RECQL4: variants seen among roughly 807,000 people sequenced by gnomAD.
RECQL4 encodes the protein ATP-dependent DNA helicase Q4.
Under a neutral mutation model 128.6 loss-of-function variants are expected in RECQL4, and 158 were observed. That is an observed-to-expected ratio of 1.23 (90% CI 1.08 to 1.40). The LOEUF (loss-of-function observed/expected upper bound fraction) is 1.40, where lower values mean the gene tolerates loss of function less well. RECQL4 is among the 40% of genes most tolerant of loss of function. The pLI, the probability that RECQL4 is intolerant of heterozygous loss-of-function variation, is 0.00. For synonymous variants in RECQL4, 996 were observed against 678.9 expected (o/e 1.47, Z -7.26); for missense variants, 2,293 against 1,649.8 (o/e 1.39, Z -6.75).
At chr8:144,513,792 GT>G in intron 12 of RECQL4, 80 bp from the exon 13 acceptor site, 3 of 1,094,128 alleles carry the variant, frequency 2.7e-6, no homozygotes, top group Non-Finnish European at 3.6e-6. Context: ...AGGGGTCGGC[GT>G]GGGGAGTGAG....
chr8:144,516,607 C>G lies in RECQL4; in HGVS notation c.512G>C (p.Arg171Pro). The G allele has an allele frequency of 6.2e-7, 1 of 1,610,614 alleles. No homozygotes were observed. Among genetic ancestry groups the G allele is most frequent in the Non-Finnish European group, 8.5e-7 (1 of 1,178,928 alleles). Residue 171 changes from arginine (R) to proline (P), a missense_variant, in exon 5 of 21, where the codon CGG (arginine) becomes CCG (proline). Transcript: ENST00000617875. ...QLPEPQPRPG[R>P]LQHLQASLSQ... ...CAGGGATGCCTGCAGATGCTGGAGC[C>G]GGCCTGGCCTTGGCTGGGGCTCAGG...
At position 144,516,128 on chromosome 8, in the gene RECQL4, C is replaced by T. The variant is rs2130718366; in HGVS notation, c.991G>A (p.Gly331Arg). 2 of 1,613,126 alleles carry T rather than the reference C, an allele frequency of 1.2e-6. No individual in the cohort carries two copies. The highest frequency in any genetic ancestry group is 1.7e-6 in the Non-Finnish European group (2 of 1,179,876). Reference sequence around the variant, plus strand: ...AGGGGGGCTGTGCCCTCAGCCTTCCCAGCCCTAGCTTGACTGGAGGGGCTG... The same window carrying T: ...AGGGGGGCTGTGCCCTCAGCCTTCCTAGCCCTAGCTTGACTGGAGGGGCTG... Reference protein sequence around the residue: ...GLSPSSQARAGKAEGTAPLHI... With the variant: ...GLSPSSQARARKAEGTAPLHI... The change falls in exon 5 of 21, where the codon GGG (glycine) becomes AGG (arginine). Residue 331 changes from glycine to arginine, a missense_variant. Coordinates refer to ENST00000617875, the MANE Select transcript of RECQL4 (RefSeq NM_004260.4).
In RECQL4 at chr8:144,516,404, C is replaced by T. The variant is rs1286829220; in HGVS notation, c.715G>A (p.Ala239Thr). 3.7e-6 allele frequency: 6 copies of T among 1,609,568 alleles called. No individual in the cohort carries two copies. Among genetic ancestry groups the T allele is most frequent in the African/African-American group, 1.3e-5 (1 of 75,062 alleles). Residue 239 changes from alanine (A) to threonine (T), a missense_variant, in exon 5 of 21, where the codon GCT becomes ACT. By Grantham distance (58) the Ala-to-Thr change is moderately conservative (BLOSUM62 0). Transcript: ENST00000617875. ...GPGAGSQGPE[A>T]SAFQEVSIRV... is the part of the protein sequence containing the mutation. ...ATGCTGACTTCTTGGAAGGCTGAAG[C>T]CTCTGGGCCCTGGGAGCCAGCACCA...
Position 144,514,095 on chromosome 8 carries a change from G to A in RECQL4, c.1891C>T (p.Arg631Cys), listed in dbSNP as rs748941688. 1.2e-5 allele frequency: 20 copies of A among 1,602,564 alleles called. No homozygotes were observed. The highest frequency in any genetic ancestry group is 5.6e-5 in the South Asian group (5 of 89,576). ...CCCAGGAAGCAGTGCACGCCCATGC[G>A]CTCCCGAAGCACCTGCACCAGAGGC... The part of the protein sequence containing the change: ...YLRVCKVLRE[R>C]MGVHCFLGLT... Residue 631 changes from arginine (R) to cysteine (C), a missense_variant, in exon 12 of 21, where the codon CGC becomes TGC. Coordinates refer to ENST00000617875, the MANE Select transcript of RECQL4 (RefSeq NM_004260.4).
intron 9 of RECQL4, 130 bp from the exon 10 acceptor site, chr8:144,514,655 G>A (rs780450179): frequency 7.4e-5 from 78 of 1,048,678 alleles, no homozygotes; most frequent in Middle Eastern, 2.3e-4. Flanking sequence ...GGGTCCTAGG[G>A]CTAAGGGTTT....
chr8:144,514,069 G>A lies in RECQL4; in HGVS notation c.1917C>T (p.Gly639=), dbSNP rs1226734309. 5.7e-6 allele frequency: 9 copies of A among 1,590,672 alleles called. No individual in the cohort carries two copies. The highest frequency in any genetic ancestry group is 5.4e-5 in the African/African-American group (4 of 74,382). Residue 639 remains glycine, a synonymous_variant, in exon 12 of 21, where the codon GGC becomes GGT. Transcript: ENST00000617875. ...TGCGGCGTGTGGCTGTGGCTGTGAG[G>A]CCCAGGAAGCAGTGCACGCCCATGC... ...RERMGVHCFL[G]LTATATRRTA...
rs767722327 is a variant in RECQL4, at chr8:144,513,102, C to T, written c.2500G>A (p.Ala834Thr). The T allele has an allele frequency of 2.7e-5, 43 of 1,567,754 alleles. No homozygotes were observed. The South Asian group carries it at 3.1e-4, about 11-fold the overall frequency. ...ACAGCCAGGAAGTCCGTGCTGTCGGCGTGCACATGTCTGCGCAGCTCTCGC... is the reference window on the plus strand; with the variant it reads ...ACAGCCAGGAAGTCCGTGCTGTCGGTGTGCACATGTCTGCGCAGCTCTCGC... ...DLRELRRHVHADSTDFLAVKR... is the reference protein window; with the variant it reads ...DLRELRRHVHTDSTDFLAVKR... Residue 834 changes from alanine to threonine, a missense_variant, in exon 15 of 21, where the codon GCC (alanine) becomes ACC (threonine). Transcript: ENST00000617875.
rs942704068 is a variant in RECQL4, at chr8:144,517,639, T to A, written c.85-4A>T. 38 of 1,482,996 alleles carry A rather than the reference T, an allele frequency of 2.6e-5. No individual in the cohort carries two copies. The highest frequency in any genetic ancestry group is 3.1e-5 in the Non-Finnish European group (35 of 1,124,516). 91.9% of individuals were successfully genotyped at this position (1,482,996 alleles called of 1,614,324 possible). Reference sequence around the variant, plus strand: ...CCGGCGCCGCCTCCACGTCGTCCTGTAAAGGGAACGCGTCAGCCGCGGGCC... The same window carrying A: ...CCGGCGCCGCCTCCACGTCGTCCTGAAAAGGGAACGCGTCAGCCGCGGGCC... On this transcript the variant is annotated splice_region_variant and splice_polypyrimidine_tract_variant and intron_variant, in intron 1 of 20. Transcript: ENST00000617875.
chr8:144,513,053 A>G lies in RECQL4; in HGVS notation c.2549T>C (p.Phe850Ser), dbSNP rs2130672533. ...LAVKRLVQRV[F>S]PACTCTCTRP... ...GGTGCAGGTGCAGGTGCAGGCTGGGAACACGCGCTGTACCAGCCTCTTCAC... is the reference window on the plus strand; with the variant it reads ...GGTGCAGGTGCAGGTGCAGGCTGGGGACACGCGCTGTACCAGCCTCTTCAC... Residue 850 changes from phenylalanine (F) to serine (S), a missense_variant, in exon 15 of 21, where the codon TTC becomes TCC. Physicochemically the swap from Phe to Ser is radical, Grantham distance 155. Transcript: ENST00000617875. 6.3e-7 allele frequency: 1 copy of G among 1,578,608 alleles called. No homozygotes were observed. Among genetic ancestry groups the G allele is most frequent in the East Asian group, 2.3e-5 (1 of 43,012 alleles).
chr8:144,515,488 G>A (rs753197938), intron 6 of RECQL4, 31 bp from the exon 7 acceptor site: 68 of 1,612,118 alleles, frequency 4.2e-5, no homozygotes, highest in Non-Finnish European at 5.4e-5. Context: ...TAGAATGGGA[G>A]CTCCAGGTCG....
chr8:144,513,147 C>T lies in RECQL4; in HGVS notation c.2464-9G>A, dbSNP rs1411942968. 6.2e-6 allele frequency: 9 copies of T among 1,454,776 alleles called. No individual in the cohort carries two copies. In the Admixed American group the frequency reaches 8.1e-5, roughly 13 times the overall value. The allele number at this position is 1,454,776 out of a possible 1,614,324, so 90.1% of individuals were successfully genotyped here. A position where few individuals can be genotyped will look rare whatever the true frequency, so the allele number is the denominator to read the frequency against. On this transcript the variant is annotated splice_polypyrimidine_tract_variant and intron_variant, in intron 14 of 20. Coordinates refer to ENST00000617875, the MANE Select transcript of RECQL4 (RefSeq NM_004260.4). ...TCTCGCAGGTCTTCGCCCTGCAGGG[C>T]AACTTTCATGAGGGTGGGGTGGACC...
At chr8:144,516,936 C>T (rs541900925) in intron 4 of RECQL4, 114 bp downstream of exon 4, 3 of 1,467,624 alleles carry the variant, frequency 2.0e-6, no homozygotes, top group East Asian at 2.3e-5. Context: ...AAGACTCGTG[C>T]CCTGGTTGGC....
chr8:144,517,340 C>T, intron 3 of RECQL4, 74 bp downstream of exon 3: 1 of 1,485,472 alleles, frequency 6.7e-7, no homozygotes, highest in Non-Finnish European at 9.0e-7. Flanking sequence ...GGCGGCCTGG[C>T]CGCGACTCCG....
chr8:144,513,890 CCAGGGCCCTGCAGG>C, intron 12 of RECQL4, 24 bp downstream of exon 12: 1 of 1,220,376 alleles, frequency 8.2e-7, no homozygotes, highest in African/African-American at 1.9e-5. Flanking sequence ...CAGTCAGCAG[CCAGGGCCCTGCAGG>C]GTCCCCAGAG....
rs1815256853 is a variant in RECQL4 at position 144,517,186 on chromosome 8, G to C, written c.218C>G (p.Pro73Arg). 6.2e-7 allele frequency: 1 copy of C among 1,600,668 alleles called. No homozygotes were observed. The highest frequency in any genetic ancestry group is 8.5e-7 in the Non-Finnish European group (1 of 1,175,758). ...ESLPAAAEEA[P>R]EPRCWGPHLN... The stretch of plus-strand genomic sequence containing the variant: ...ATGGGGCCCCCAGCAGCGGGGCTCT[G>C]GCGCCTGCAGGAGACAACAGGGGCA... The change falls in exon 4 of 21, where the codon CCA becomes CGA. Residue 73 changes from proline to arginine, a missense_variant. Transcript: ENST00000617875.
Position 144,514,058 on chromosome 8 carries a change from G to C in RECQL4, c.1928C>G (p.Thr643Arg), listed in dbSNP as rs1285078612. ...GTCACTGGCAGTGCGGCGTGTGGCT[G>C]TGGCTGTGAGGCCCAGGAAGCAGTG... ...GVHCFLGLTA[T>R]ATRRTASDVA... The change falls in exon 12 of 21, where the codon ACA becomes AGA. Residue 643 changes from threonine to arginine, a missense_variant. Transcript: ENST00000617875. The C allele has an allele frequency of 1.3e-6, 2 of 1,586,134 alleles. No homozygotes were observed. Among genetic ancestry groups the C allele is most frequent in the African/African-American group, 2.7e-5 (2 of 74,240 alleles).
In RECQL4 at chr8:144,513,933, C is replaced by G. The variant is rs765039635; in HGVS notation, c.2053G>C (p.Asp685His). 6.6e-7 allele frequency: 1 copy of G among 1,514,146 alleles called. No individual in the cohort carries two copies. Among genetic ancestry groups the G allele is most frequent in the Non-Finnish European group, 8.9e-7 (1 of 1,127,328 alleles). 93.8% of individuals were successfully genotyped at this position (1,514,146 alleles called of 1,614,324 possible). The change falls in exon 12 of 21, where the codon GAC (aspartate) becomes CAC (histidine). Residue 685 changes from aspartate (D) to histidine (H), a missense_variant. Transcript: ENST00000617875. Reference protein sequence around the residue: ...HLSVSMDRDTDQALLTLLQGK... With the variant: ...HLSVSMDRDTHQALLTLLQGK... ...CCCAGAGCACACACACCCACCTGGT[C>G]TGTGTCCCTGTCCATGGACACGGAA...
chr8:144,511,987 C>T lies in RECQL4; in HGVS notation c.3317G>A (p.Arg1106His), dbSNP rs34236392. The T allele has an allele frequency of 1.4e-4, 226 of 1,610,746 alleles. No homozygotes were observed. The highest frequency in any genetic ancestry group is 1.3e-3 in the African/African-American group (94 of 75,054). The change falls in exon 19 of 21, where the codon CGC (arginine) becomes CAC (histidine). Residue 1106 changes from arginine (R) to histidine (H), a missense_variant. Coordinates refer to ENST00000617875, the MANE Select transcript of RECQL4 (RefSeq NM_004260.4). ...RSTRLKDLLG[R>H]YFEEEEGQEP... ...CTGCCCTTCCTCTTCCTCAAAGTAG[C>T]GGCCGAGCAGGTCCTTGAGCCTGGT...
rs398124117 is a variant in RECQL4 at position 144,513,139 on chromosome 8, C to G, written c.2464-1G>C. On this transcript the variant is annotated splice_acceptor_variant, in intron 14 of 20. Coordinates refer to ENST00000617875, the MANE Select transcript of RECQL4 (RefSeq NM_004260.4). LOFTEE classifies it high-confidence loss of function. ...TGCGCAGCTCTCGCAGGTCTTCGCC[C>G]TGCAGGGCAACTTTCATGAGGGTGG... 124 of 1,558,806 alleles carry G rather than the reference C, an allele frequency of 8.0e-5. No homozygotes were observed. Among genetic ancestry groups the G allele is most frequent in the Non-Finnish European group, 2.4e-5 (28 of 1,152,230 alleles).
Sources: allele counts gnomAD v4.1 joint callset, GRCh38; gene constraint gnomAD v4.1.1; transcripts MANE v1.5; gene names NCBI Gene and HGNC (gene_info 2026-07-23, HGNC 2026-07-21).